Variants in SYNE2 observed in about 807,000 individuals in gnomAD.
SYNE2 encodes the protein nesprin-2.
In SYNE2, 431 loss-of-function variants were observed where a neutral mutation model predicts 856.3. The ratio of observed to expected loss-of-function variants is 0.50; its 90% CI spans 0.47 to 0.55. SYNE2 has a LOEUF of 0.55. Ranked by LOEUF, SYNE2 falls within the 20% of genes least tolerant of loss-of-function variation. The pLI, the probability that SYNE2 is intolerant of heterozygous loss-of-function variation, is 0.00. For missense variants in SYNE2, 8,129 were observed against 8,023.2 expected (o/e 1.01, Z -0.50); for synonymous variants, 2,923 against 2,872.3 (o/e 1.02, Z -0.56).
intron 95 of SYNE2, among the ~76,000 whole-genome samples, chr14:64,176,716 A>C (rs150692552): frequency 1.3e-5 from 2 of 152,318 alleles, no homozygotes; most frequent in African/African-American, 2.4e-5. Flanking sequence ...CTTTTCCAAA[A>C]TTAAAGTAGA....
intron 28 of SYNE2, 94 bp from the exon 29 acceptor site, chr14:64,001,840 T>C: frequency 1.5e-6 from 2 of 1,348,784 alleles, no homozygotes; most frequent in Non-Finnish European, 2.1e-6. Flanking sequence ...TGGATAATTA[T>C]TTTCTGTTCT....
chr14:63,908,023 A>G (rs2095429148), intron 1 of SYNE2, among the ~76,000 whole-genome samples: 1 of 152,198 alleles, frequency 6.6e-6, no homozygotes, highest in East Asian at 1.9e-4. Context: ...CAGGATTGAA[A>G]GATTTTTGAA....
At chr14:63,819,114 G>A (rs1378005692) in intron 1 of SYNE2, among the ~76,000 whole-genome samples, 1 of 151,630 alleles carries the variant, frequency 6.6e-6, no homozygotes, top group Non-Finnish European at 1.5e-5. Flanking sequence ...ATATCTGATT[G>A]CTCAAACAGA....
At chr14:63,990,061 C>G (rs911527294) in intron 19 of SYNE2, among the ~76,000 whole-genome samples, 4 of 152,092 alleles carry the variant, frequency 2.6e-5, no homozygotes, top group Admixed American at 1.3e-4. Context: ...AGCTATTTTC[C>G]CCAGTAACAT....
At chr14:63,775,728 C>T (rs367851395) in intron 1 of SYNE2, among the ~76,000 whole-genome samples, 3 of 152,224 alleles carry the variant, frequency 2.0e-5, no homozygotes, top group East Asian at 1.9e-4. Context: ...ACTACAGGTG[C>T]GTGCCACCGC....
At chr14:64,134,909 C>A (rs2098070816) in intron 78 of SYNE2, among the ~76,000 whole-genome samples, 1 of 152,062 alleles carries the variant, frequency 6.6e-6, no homozygotes, top group Non-Finnish European at 1.5e-5. Flanking sequence ...ATTGCTTAAA[C>A]CTGGGAGGTG....
intron 21 of SYNE2, among the ~76,000 whole-genome samples, chr14:63,992,992 C>T (rs2096681056): frequency 6.6e-6 from 1 of 152,166 alleles, no homozygotes; most frequent in Admixed American, 6.5e-5. Flanking sequence ...ACACACAGGC[C>T]CCGACCTGTT....
At position 64,049,747 on chromosome 14, in the gene SYNE2, T is replaced by G; in HGVS notation, c.7514T>G (p.Leu2505Arg). 1 of 1,614,188 alleles carries G rather than the reference T, an allele frequency of 6.2e-7. No homozygotes were observed. The highest frequency in any genetic ancestry group is 8.5e-7 in the Non-Finnish European group (1 of 1,180,038). ...TCGGCACAGCATTTGGACAATTTGC[T>G]TCAGGCACTTATTACTTTGAAGAAA... ...GYSAQHLDNLLQALITLKKNK... is the reference protein window; with the variant it reads ...GYSAQHLDNLRQALITLKKNK... Residue 2505 changes from leucine to arginine, a missense_variant, in exon 47 of 116, where the codon CTT (leucine) becomes CGT (arginine). Leu to Arg is a moderately radical substitution (Grantham distance 102). This residue lies in a region of SYNE2 where 5,410 missense variants were observed against 5,284.8 expected (regional missense o/e 1.02). Transcript: ENST00000555002.
chr14:63,958,050 CA>C (rs925412304), intron 8 of SYNE2, among the ~76,000 whole-genome samples: 3 of 149,792 alleles, frequency 2.0e-5, no homozygotes, highest in Non-Finnish European at 3.0e-5. Context: ...TCAAAAAAAA[CA>C]AAAAAAAAGC....
chr14:63,936,095 G>A (rs979172874), intron 2 of SYNE2, among the ~76,000 whole-genome samples: 4 of 152,110 alleles, frequency 2.6e-5, no homozygotes, highest in African/African-American at 7.2e-5. Flanking sequence ...CGCTGGTCTC[G>A]AACTTCTGAC....
Position 64,125,117 on chromosome 14 carries a change from G to T in SYNE2, c.13461G>T (p.Met4487Ile). ...TNMGILPSVT[M>I]YNFRYPTTEE... ...TGGGTATTCTACCCAGCGTGACTATGTATAACTTTAGATACCCAACAACTG... is the reference window on the plus strand; with the variant it reads ...TGGGTATTCTACCCAGCGTGACTATTTATAACTTTAGATACCCAACAACTG... The change falls in exon 71 of 116, where the codon ATG becomes ATT. Residue 4487 changes from methionine to isoleucine, a missense_variant. This residue lies in a region of SYNE2 where 5,410 missense variants were observed against 5,284.8 expected (regional missense o/e 1.02). Transcript: ENST00000555002. 1 of 1,614,168 alleles carries T rather than the reference G, an allele frequency of 6.2e-7. No homozygotes were observed. Among genetic ancestry groups the T allele is most frequent in the Non-Finnish European group, 8.5e-7 (1 of 1,180,026 alleles).
At chr14:64,147,740 A>T (rs372306608) in intron 84 of SYNE2, among the ~76,000 whole-genome samples, 2 of 152,222 alleles carry the variant, frequency 1.3e-5, no homozygotes, top group East Asian at 3.8e-4. Flanking sequence ...CTTTGCATGA[A>T]AGGCAGACAT....
At chr14:64,015,861 C>A (rs2096888598) in intron 32 of SYNE2, among the ~76,000 whole-genome samples, 1 of 151,998 alleles carries the variant, frequency 6.6e-6, no homozygotes. Flanking sequence ...TTTGACTGTG[C>A]TATACAAGTT....
intron 2 of SYNE2, among the ~76,000 whole-genome samples, chr14:63,934,756 AT>A (rs1036106378): frequency 1.3e-5 from 2 of 151,986 alleles, no homozygotes; most frequent in African/African-American, 4.8e-5. Flanking sequence ...ACTATTGCTG[AT>A]TAGTTTCTTT....
Position 64,098,624 on chromosome 14 carries a change from T to TG in SYNE2, c.12307-118dup, listed in dbSNP as rs1474259845. 7.5e-6 allele frequency: 7 copies of TG among 930,052 alleles called. No homozygotes were observed. In the East Asian group the frequency reaches 1.6e-4, roughly 21 times the overall value. The allele number at this position is 930,052 out of a possible 1,614,324, so 57.6% of individuals were successfully genotyped here. A position where few individuals can be genotyped will look rare whatever the true frequency, so the allele number is the denominator to read the frequency against. On this transcript the variant is annotated intron_variant, in intron 62 of 115. Transcript: ENST00000555002. ...AACGGACCAGGAGACAGGCTTCTTGTGGGGGTGGGCATCTTGGATAAAGTA... is the reference window on the plus strand; with the variant it reads ...AACGGACCAGGAGACAGGCTTCTTGTGGGGGGTGGGCATCTTGGATAAAGTA...
intron 1 of SYNE2, among the ~76,000 whole-genome samples, chr14:63,888,851 T>G (rs1382291443): frequency 6.6e-6 from 1 of 151,994 alleles, no homozygotes; most frequent in Admixed American, 6.6e-5. Context: ...AACATGAAAA[T>G]ACTGATGCTT....
chr14:63,998,672 C>T (rs189478058), intron 26 of SYNE2, among the ~76,000 whole-genome samples: 173 of 152,292 alleles, frequency 1.1e-3, no homozygotes, highest in African/African-American at 4.0e-3. Flanking sequence ...AGTGATTCTC[C>T]TGCCTCAGCC....
In SYNE2 at chr14:64,216,246, A is replaced by G; in HGVS notation, c.19403-2A>G. 1 of 1,614,158 alleles carries G rather than the reference A, an allele frequency of 6.2e-7. No individual in the cohort carries two copies. The highest frequency in any genetic ancestry group is 8.5e-7 in the Non-Finnish European group (1 of 1,180,040). On this transcript the variant is annotated splice_acceptor_variant, in intron 107 of 115. Transcript: ENST00000555002. LOFTEE classifies it high-confidence loss of function. ...ACTGTCGCTTGCTGTCTTTCGTTTC[A>G]GGTAAATCCATTTCGGATGGCCACT...
At position 64,052,909 on chromosome 14, in the gene SYNE2, T is replaced by C; in HGVS notation, c.8996T>C (p.Leu2999Ser). The change falls in exon 48 of 116, where the codon TTG (leucine) becomes TCG (serine). Residue 2999 changes from leucine to serine, a missense_variant. Transcript: ENST00000555002. ...ATTAAGTGTTGCATCTTACAGGTAT[T>C]GAAACTTAAAAAAGTGTTTGACTAT... ...TAIKCCILQV[L>S]KLKKVFDYIG... is the part of the protein sequence containing the mutation. 1 of 1,613,042 alleles carries C rather than the reference T, an allele frequency of 6.2e-7. No individual in the cohort carries two copies. Among genetic ancestry groups the C allele is most frequent in the South Asian group, 1.1e-5 (1 of 90,602 alleles).
Sources: allele counts gnomAD v4.1 joint callset (sites outside exome capture counted in the v4.1 genomes callset), GRCh38; gene constraint gnomAD v4.1.1; regional missense constraint gnomAD v4.1.1; transcripts MANE v1.5; gene names NCBI Gene and HGNC (gene_info 2026-07-23, HGNC 2026-07-21).